Variants in TUSC3 observed in about 807,000 individuals in gnomAD.
TUSC3 encodes dolichyl-diphosphooligosaccharide--protein glycosyltransferase subunit TUSC3.
In TUSC3, 45 loss-of-function variants were observed where a neutral mutation model predicts 44.8. That is an observed-to-expected ratio of 1.00 (90% confidence interval 0.79 to 1.29). The LOEUF (loss-of-function observed/expected upper bound fraction) is 1.29. Among genes scored for constraint, TUSC3 ranks in the 50% most tolerant of loss-of-function variants. The pLI is 0.00. For synonymous variants in TUSC3, 212 were observed against 152.9 expected, an observed-to-expected ratio of 1.39 and a Z score of -2.85; for missense variants, 519 against 437.9, an observed-to-expected ratio of 1.19 and a Z score of -1.65.
At chr8:15,651,693 A>G (rs1271770687) in intron 3 of TUSC3, among the ~76,000 whole-genome samples, 1 of 152,242 alleles carries the variant, frequency 6.6e-6, no homozygotes, top group Non-Finnish European at 1.5e-5. Context: ...TTGAGTCTTC[A>G]GAACTGTGAA....
chr8:15,843,308 T>C, the TUSC3 span, among the ~76,000 whole-genome samples: 6 of 152,154 alleles, frequency 3.9e-5, no homozygotes, highest in Non-Finnish European at 8.8e-5. Context: ...TTGGGTCAGA[T>C]ACGTTTGGAA....
intron 7 of TUSC3, among the ~76,000 whole-genome samples, chr8:15,738,724 T>G (rs1323138669): frequency 6.6e-6 from 1 of 152,182 alleles, no homozygotes; most frequent in Non-Finnish European, 1.5e-5. Context: ...TCTTTGCATT[T>G]GTTTTAAAGG....
the TUSC3 span, among the ~76,000 whole-genome samples, chr8:15,802,655 C>A: frequency 7.0e-6 from 1 of 143,352 alleles, no homozygotes; most frequent in South Asian, 2.2e-4. Context: ...TAAGCAAACA[C>A]AGGATTAATT....
chr8:15,845,198 G>A, the TUSC3 span, among the ~76,000 whole-genome samples: 1 of 152,148 alleles, frequency 6.6e-6, no homozygotes, highest in East Asian at 1.9e-4. Context: ...GCTGTAGTTT[G>A]AGTGGTAAGT....
intron 1 of TUSC3, among the ~76,000 whole-genome samples, chr8:15,618,585 C>T (rs897188965): frequency 7.2e-5 from 11 of 152,164 alleles, no homozygotes; most frequent in African/African-American, 9.7e-5. Flanking sequence ...CCTAGGATAA[C>T]ATTCTCTTCT....
chr8:15,684,665 C>T (rs1354220815), intron 6 of TUSC3, among the ~76,000 whole-genome samples: 1 of 152,146 alleles, frequency 6.6e-6, no homozygotes, highest in East Asian at 1.9e-4. Context: ...CACATGAGCC[C>T]ATGCCACAGT....
intron 7 of TUSC3, among the ~76,000 whole-genome samples, chr8:15,735,046 C>G (rs1271341514): frequency 6.6e-6 from 1 of 152,054 alleles, no homozygotes; most frequent in East Asian, 1.9e-4. Flanking sequence ...GAGGTTGAGC[C>G]CCGCATGTCT....
chr8:15,475,235 C>T (rs568805745), intron 1 of TUSC3, among the ~76,000 whole-genome samples: 1 of 152,108 alleles, frequency 6.6e-6, no homozygotes, highest in Admixed American at 6.6e-5. Flanking sequence ...TTTTGATGAT[C>T]CTAGAGACAT....
chr8:15,489,451 C>G (rs965209234), intron 2 of TUSC3, among the ~76,000 whole-genome samples: 1 of 152,170 alleles, frequency 6.6e-6, no homozygotes, highest in South Asian at 2.1e-4. Context: ...AGTTGCTGGA[C>G]TCTCAGCTAA....
At chr8:15,558,820 G>T (rs538561630) in intron 1 of TUSC3, among the ~76,000 whole-genome samples, 65 of 148,156 alleles carry the variant, frequency 4.4e-4, no homozygotes, top group East Asian at 1.9e-3. Flanking sequence ...TTCTCTGATG[G>T]TAGTTTGTAT....
intron 1 of TUSC3, among the ~76,000 whole-genome samples, chr8:15,446,252 G>A (rs903244726): frequency 4.6e-5 from 7 of 151,404 alleles, no homozygotes; most frequent in African/African-American, 9.7e-5. Context: ...ATGGGATGGC[G>A]GCCGGGAAGA....
intron 6 of TUSC3, among the ~76,000 whole-genome samples, chr8:15,713,577 T>C (rs1178501647): frequency 6.6e-6 from 1 of 152,150 alleles, no homozygotes; most frequent in Non-Finnish European, 1.5e-5. Flanking sequence ...TTACGAAGCC[T>C]ACACACATCC....
At chr8:15,534,845 T>G (rs1238533326) in intron 2 of TUSC3, among the ~76,000 whole-genome samples, 2 of 152,144 alleles carry the variant, frequency 1.3e-5, no homozygotes, top group African/African-American at 4.8e-5. Flanking sequence ...AAACAGTGAT[T>G]GGTTACAGCT....
At chr8:15,760,569 A>G (rs1812130219) in intron 10 of TUSC3, among the ~76,000 whole-genome samples, 1 of 152,136 alleles carries the variant, frequency 6.6e-6, no homozygotes, top group African/African-American at 2.4e-5. Context: ...TACAGTTCTA[A>G]ATCATTGGGG....
At chr8:15,834,183 C>T in the TUSC3 span, among the ~76,000 whole-genome samples, 2 of 152,016 alleles carry the variant, frequency 1.3e-5, no homozygotes, top group Non-Finnish European at 2.9e-5. Context: ...CTTGTCAGAG[C>T]ACATTACATA....
intron 2 of TUSC3, among the ~76,000 whole-genome samples, chr8:15,648,195 C>T (rs894189965): frequency 9.9e-5 from 15 of 152,074 alleles, no homozygotes; most frequent in Non-Finnish European, 2.1e-4. Context: ...GAATTTTATT[C>T]GACTCTGTCT....
At chr8:15,739,070 A>G (rs1053526432) in intron 7 of TUSC3, among the ~76,000 whole-genome samples, 8 of 151,692 alleles carry the variant, frequency 5.3e-5, no homozygotes, top group Non-Finnish European at 1.0e-4. Flanking sequence ...TGACCTTGTG[A>G]TCCGCCTGCC....
chr8:15,726,572 A>G (rs1427344188), intron 6 of TUSC3, among the ~76,000 whole-genome samples: 1 of 152,102 alleles, frequency 6.6e-6, no homozygotes, highest in Non-Finnish European at 1.5e-5. Flanking sequence ...TTGGGAGGCC[A>G]AACTGGCCGG....
intron 1 of TUSC3, among the ~76,000 whole-genome samples, chr8:15,543,936 A>G (rs936230498): frequency 2.8e-5 from 4 of 142,136 alleles, no homozygotes; most frequent in East Asian, 2.0e-4. Flanking sequence ...GTGTGTGTGT[A>G]TGTATTATGT....
Sources: gnomAD v4.1 joint callset for allele counts (sites outside exome capture counted in the v4.1 genomes callset) on GRCh38, gnomAD v4.1.1 for gene constraint, MANE v1.5 for transcripts, NCBI Gene and HGNC (gene_info 2026-07-23, HGNC 2026-07-21) for gene names.